The following TBC1D25 variants were observed in gnomAD, a reference collection of about 807,000 sequenced individuals.
TBC1D25 encodes 5SN3 snoRNA.
A neutral mutation model predicts 38.8 loss-of-function variants in TBC1D25; 13 were observed. The ratio of observed to expected loss-of-function variants is 0.34; its 90% confidence interval spans 0.22 to 0.53. The LOEUF (loss-of-function observed/expected upper bound fraction) is 0.53, where lower values mean the gene tolerates loss of function less well. Ranked by LOEUF, TBC1D25 falls within the 20% of genes least tolerant of loss-of-function variation. The pLI, the probability that TBC1D25 is intolerant of heterozygous loss-of-function variation, is 0.94. For missense variants in TBC1D25, 372 were observed against 600.0 expected (o/e 0.62, Z 3.97); for synonymous variants, 225 against 255.6 (o/e 0.88, Z 1.14).
Position 48,560,808 on chromosome X carries a change from A to T in TBC1D25, c.1900A>T (p.Met634Leu). 8.2e-7 allele frequency: 1 copy of T among 1,212,138 alleles called. No individual in the cohort carries two copies. Among genetic ancestry groups the T allele is most frequent in the Non-Finnish European group, 1.1e-6 (1 of 895,543 alleles). ...AILLEHRDHI[M>L]RNGLDYNELA... Reference sequence around the variant, plus strand: ...CCTGCTGGAGCACCGCGACCACATCATGCGCAATGGGCTGGATTATAATGA... The same window carrying T: ...CCTGCTGGAGCACCGCGACCACATCTTGCGCAATGGGCTGGATTATAATGA... The change falls in exon 6 of 6, where the codon ATG becomes TTG. Residue 634 changes from methionine (M) to leucine (L), a missense_variant. Physicochemically the swap from Met to Leu is conservative, Grantham distance 15 (BLOSUM62 2). Around this residue, in one of 2 missense-constraint regions of TBC1D25, gnomAD observed 312 missense variants for 549.3 expected, o/e 0.57. Transcript: ENST00000376771.
chrX:48,553,135 C>CT (rs1308549340), intron 3 of TBC1D25, among the ~76,000 whole-genome samples: 2 of 110,186 alleles, frequency 1.8e-5, no homozygotes, highest in Non-Finnish European at 3.8e-5. Flanking sequence ...TGTTTTCTTA[C>CT]TAACACACTA....
At chrX:48,556,979 A>G (rs1410653658) in intron 3 of TBC1D25, among the ~76,000 whole-genome samples, 3 of 109,806 alleles carry the variant, frequency 2.7e-5, no homozygotes, top group Non-Finnish European at 5.7e-5. Flanking sequence ...CTGTAATCCC[A>G]ACACTTTGGG....
rs2061997739 is a variant in TBC1D25, at chrX:48,558,901, A to G, written c.393A>G (p.Pro131=). The change falls in exon 4 of 6, where the codon CCA becomes CCG. Residue 131 remains proline, a synonymous_variant. Coordinates refer to ENST00000376771, the MANE Select transcript of TBC1D25 (RefSeq NM_002536.4). ...CACTTTGTTCTGTTTGCCCAGGCCC[A>G]TTGCTAGAAGACTGGGACATAATCA... The part of the protein sequence containing the change: ...RVDIRPSEDS[P]LLEDWDIISP... 1.7e-6 allele frequency: 2 copies of G among 1,209,781 alleles called. No individual in the cohort carries two copies. Among genetic ancestry groups the G allele is most frequent in the South Asian group, 1.8e-5 (1 of 56,828 alleles).
At chrX:48,553,091 A>G (rs2061947970) in intron 3 of TBC1D25, among the ~76,000 whole-genome samples, 1 of 109,930 alleles carries the variant, frequency 9.1e-6, no homozygotes, top group African/African-American at 3.3e-5. Flanking sequence ...CACCCAGCCA[A>G]TTTTTTTTCT....
Position 48,560,801 on chromosome X carries a change from C to T in TBC1D25, c.1893C>T (p.Asp631=), listed in dbSNP as rs140446659. The change falls in exon 6 of 6, where the codon GAC becomes GAT. Residue 631 remains aspartate (D), a synonymous_variant. Transcript: ENST00000376771. ...TGGCCATCCTGCTGGAGCACCGCGA[C>T]CACATCATGCGCAATGGGCTGGATT... ...LCLAILLEHR[D]HIMRNGLDYN... is the part of the protein sequence containing the mutation. 3.3e-6 allele frequency: 4 copies of T among 1,211,053 alleles called. No individual in the cohort carries two copies. The highest frequency in any genetic ancestry group is 2.3e-4 in the Middle Eastern group (1 of 4,376).
chrX:48,556,231 C>T (rs782412308), intron 3 of TBC1D25, among the ~76,000 whole-genome samples: 2 of 111,153 alleles, frequency 1.8e-5, no homozygotes, highest in African/African-American at 6.5e-5. Flanking sequence ...TTCCACAGTG[C>T]ATTTTGTCCC....
intron 3 of TBC1D25, among the ~76,000 whole-genome samples, chrX:48,548,794 T>C (rs782158144): frequency 8.9e-6 from 1 of 112,316 alleles, no homozygotes; most frequent in East Asian, 2.8e-4. Flanking sequence ...CATATTTGCG[T>C]GTCTGTACAC....
intron 3 of TBC1D25, among the ~76,000 whole-genome samples, chrX:48,554,267 G>A (rs1273914993): frequency 2.8e-5 from 3 of 106,619 alleles, no homozygotes; most frequent in East Asian, 6.2e-4. Context: ...TGGGCATTTC[G>A]GGCTGGGCGC....
chrX:48,545,555 A>G (rs1411240610), intron 3 of TBC1D25, among the ~76,000 whole-genome samples: 1 of 111,275 alleles, frequency 9.0e-6, no homozygotes, highest in African/African-American at 3.3e-5. Context: ...TGTTCCCTTG[A>G]CCTCTCAGCC....
chrX:48,540,823 C>T (rs1212926397), intron 1 of TBC1D25, among the ~76,000 whole-genome samples: 14 of 112,161 alleles, frequency 1.2e-4, no homozygotes, highest in Non-Finnish European at 1.7e-4. Flanking sequence ...AAGATGATGC[C>T]TGAGCTGGGC....
chrX:48,540,166 A>C (rs1260119397), intron 1 of TBC1D25, among the ~76,000 whole-genome samples: 2 of 106,653 alleles, frequency 1.9e-5, no homozygotes, highest in Non-Finnish European at 1.9e-5. Flanking sequence ...GAATGGGTGG[A>C]GCTTATAGAC....
intron 1 of TBC1D25, among the ~76,000 whole-genome samples, chrX:48,540,738 C>G (rs978502133): frequency 1.8e-5 from 2 of 112,031 alleles, no homozygotes; most frequent in African/African-American, 6.5e-5. Context: ...ACCAGTGGCA[C>G]TGGCAGTGAT....
At chrX:48,543,306 G>A (rs2061855380) in intron 2 of TBC1D25, among the ~76,000 whole-genome samples, 1 of 109,143 alleles carries the variant, frequency 9.2e-6, no homozygotes, top group Admixed American at 9.8e-5. Flanking sequence ...GTGTGATCTC[G>A]TCTCATTGCA....
intron 2 of TBC1D25, among the ~76,000 whole-genome samples, chrX:48,543,386 G>A (rs944221746): frequency 7.4e-5 from 8 of 107,629 alleles, no homozygotes; most frequent in East Asian, 6.0e-4. Flanking sequence ...ACAGGCGTGC[G>A]CCACCATGCC....
intron 3 of TBC1D25, among the ~76,000 whole-genome samples, chrX:48,557,325 T>A (rs782362417): frequency 9.0e-6 from 1 of 110,712 alleles, no homozygotes; most frequent in African/African-American, 3.3e-5. Flanking sequence ...CTGGGCAACA[T>A]AGCGAAACCT....
chrX:48,550,981 G>T (rs2061927406), intron 3 of TBC1D25, among the ~76,000 whole-genome samples: 1 of 111,170 alleles, frequency 9.0e-6, no homozygotes, highest in Non-Finnish European at 1.9e-5. Context: ...TCTTAAATGT[G>T]AATTCTTCTA....
chrX:48,544,775 A>G (rs992935439), intron 2 of TBC1D25, 94 bp from the exon 3 acceptor site: 38 of 1,075,770 alleles, frequency 3.5e-5, no homozygotes, highest in South Asian at 6.6e-5. Context: ...GTTGTTTTCA[A>G]CGCCTTCTAT....
At chrX:48,548,409 C>T (rs1319206790) in intron 3 of TBC1D25, among the ~76,000 whole-genome samples, 2 of 111,433 alleles carry the variant, frequency 1.8e-5, no homozygotes, top group Non-Finnish European at 3.8e-5. Context: ...AGCCACCGCA[C>T]CCAGCCTTAA....
At position 48,543,644 on chromosome X, in the gene TBC1D25, G is replaced by A. The variant is rs543452463; in HGVS notation, c.234-1225G>A. On this transcript the variant is annotated intron_variant, in intron 2 of 5. Transcript: ENST00000376771. The stretch of plus-strand genomic sequence containing the variant: ...TCATGCCTGTAATCCCAGCACTTTG[G>A]GAGGCTGAGGCAGGTGGATCACGAG... 3.0e-3 allele frequency among the ~76,000 whole-genome samples: 320 copies of A among 106,821 alleles called. 1 individual carries two copies. The highest frequency in any genetic ancestry group is 0.013 in the South Asian group (30 of 2,352). The allele number at this position is 106,821 out of a possible 115,157, so 92.8% of individuals were successfully genotyped here.
Sources: allele counts gnomAD v4.1 joint callset (sites outside exome capture counted in the v4.1 genomes callset), GRCh38; gene constraint gnomAD v4.1.1; regional missense constraint gnomAD v4.1.1; transcripts MANE v1.5; gene names NCBI Gene and HGNC (gene_info 2026-07-23, HGNC 2026-07-21).